Variants in SHISAL2A observed in about 807,000 individuals in gnomAD.
SHISAL2A encodes shisa like 2A.
A neutral mutation model predicts 11.5 loss-of-function variants in SHISAL2A; 18 were observed. That is an observed-to-expected ratio of 1.57 (90% CI 1.08 to 2.33). The LOEUF is 2.33. Ranked by LOEUF, SHISAL2A falls within the 30% of genes most tolerant of loss-of-function variation. The pLI, the probability that SHISAL2A is intolerant of heterozygous loss-of-function variation, is 0.00. For missense variants in SHISAL2A, 261 were observed against 250.9 expected, an observed-to-expected ratio of 1.04 and a Z score of -0.27; for synonymous variants, 94 against 99.6, an observed-to-expected ratio of 0.94 and a Z score of 0.34.
At chr1:52,649,663 C>A (rs1389540227) in intron 2 of SHISAL2A, among the ~76,000 whole-genome samples, 3 of 152,190 alleles carry the variant, frequency 2.0e-5, no homozygotes, top group Non-Finnish European at 2.9e-5. Flanking sequence ...TACTGTTGAG[C>A]TGGGCACTGT....
intron 1 of SHISAL2A, among the ~76,000 whole-genome samples, chr1:52,639,646 G>A (rs981593762): frequency 2.0e-5 from 3 of 151,830 alleles, no homozygotes; most frequent in Admixed American, 6.6e-5. Flanking sequence ...CCAGCTACTC[G>A]GGAGGCTGAG....
At chr1:52,635,240 A>G (rs946901075) in intron 1 of SHISAL2A, among the ~76,000 whole-genome samples, 1 of 152,240 alleles carries the variant, frequency 6.6e-6, no homozygotes, top group South Asian at 2.1e-4. Flanking sequence ...CTTGCTGCCC[A>G]AAAAAACCAA....
In SHISAL2A at chr1:52,651,786, T is replaced by C. The variant is rs374955723; in HGVS notation, c.323-5004T>C. 3.9e-5 allele frequency among the ~76,000 whole-genome samples: 6 copies of C among 152,300 alleles called. No individual in the cohort carries two copies. In the East Asian group the frequency reaches 9.6e-4, roughly 24 times the overall value. ...CTGCTGATCAGAGCTCTTTGATTAA[T>C]ACAGAATGGAAAAAATTAGTACTTA... is the stretch of plus-strand genomic sequence containing the variant. On this transcript the variant is annotated intron_variant, in intron 2 of 2. Coordinates refer to ENST00000517870, the MANE Select transcript of SHISAL2A (RefSeq NM_001042693.3).
intron 2 of SHISAL2A, 125 bp downstream of exon 2, chr1:52,643,127 C>T (rs936967696): frequency 1.6e-5 from 15 of 912,168 alleles, no homozygotes; most frequent in Non-Finnish European, 2.0e-5. Context: ...GCAGAAGCAG[C>T]GGCACATTTT....
At chr1:52,657,593 G>T (rs1462120700), downstream of SHISAL2A, among the ~76,000 whole-genome samples, 1 of 152,174 alleles carries the variant, frequency 6.6e-6, no homozygotes, top group South Asian at 2.1e-4. Context: ...GGCAGTTCAC[G>T]CCTGTAGTCC....
intron 2 of SHISAL2A, among the ~76,000 whole-genome samples, chr1:52,650,103 A>G (rs1691593810): frequency 6.6e-6 from 1 of 152,036 alleles, no homozygotes; most frequent in South Asian, 2.1e-4. Context: ...CCCACCTTCC[A>G]CAGAAGGCTC....
intron 2 of SHISAL2A, 49 bp from the exon 3 acceptor site, chr1:52,656,740 TC>T (rs1558093258): frequency 6.4e-7 from 1 of 1,555,534 alleles, no homozygotes. Context: ...GGGAGTGTGA[TC>T]CTGTTGGGGA....
intron 1 of SHISAL2A, among the ~76,000 whole-genome samples, chr1:52,640,627 C>A (rs564443253): frequency 3.1e-4 from 46 of 150,282 alleles, no homozygotes; most frequent in Admixed American, 6.6e-4. Context: ...AAAAAACAAA[C>A]AAAAAAAAAC....
At chr1:52,654,254 T>TAGATAGAC (rs1223182789) in intron 2 of SHISAL2A, among the ~76,000 whole-genome samples, 1 of 150,642 alleles carries the variant, frequency 6.6e-6, no homozygotes, top group Non-Finnish European at 1.5e-5. Context: ...GATAGATAGA[T>TAGATAGAC]AGATAGACAG....
rs758443434 is a variant in SHISAL2A at position 52,633,511 on chromosome 1, G to T, written c.18G>T (p.Thr6=). The part of the protein sequence containing the change: MSGAC[T]SYVSAEQEVV... ...GGGGCGCGATGAGCGGCGCCTGCAC[G>T]AGCTACGTGAGCGCAGAGCAGGAGG... Residue 6 remains threonine, a synonymous_variant, in exon 1 of 3, where the codon ACG becomes ACT. Transcript: ENST00000517870. The surrounding 1 kb of genome is among the most constrained non-coding windows in gnomAD (Gnocchi z 6.4). The T allele has an allele frequency of 1.9e-6, 3 of 1,544,492 alleles. No homozygotes were observed. The highest frequency in any genetic ancestry group is 1.4e-5 in the African/African-American group (1 of 69,630).
intron 1 of SHISAL2A, among the ~76,000 whole-genome samples, chr1:52,634,999 T>G (rs551705647): frequency 1.4e-4 from 21 of 152,240 alleles, no homozygotes; most frequent in African/African-American, 5.1e-4. Flanking sequence ...GATTTTCAGA[T>G]GGCCAGGTTA....
chr1:52,653,426 C>A (rs539716203), intron 2 of SHISAL2A, among the ~76,000 whole-genome samples: 40 of 151,686 alleles, frequency 2.6e-4, no homozygotes, highest in Non-Finnish European at 4.7e-4. Context: ...CACCACTGCA[C>A]TCTAGTCTGG....
At chr1:52,638,413 T>C (rs11807400) in intron 1 of SHISAL2A, among the ~76,000 whole-genome samples, 20,947 of 149,642 alleles carry the variant, frequency 0.14, 1,520 homozygotes, top group Non-Finnish European at 0.16. Context: ...AATGAGAAAA[T>C]AATGTTTAAT....
downstream of SHISAL2A, among the ~76,000 whole-genome samples, chr1:52,660,203 C>T (rs900428935): frequency 1.1e-4 from 17 of 152,090 alleles, no homozygotes; most frequent in African/African-American, 1.4e-4. Flanking sequence ...TGGGGGAGAC[C>T]GCACACTGAG....
At chr1:52,632,812 G>A (rs781059122), upstream of SHISAL2A, among the ~76,000 whole-genome samples, 1 of 152,166 alleles carries the variant, frequency 6.6e-6, no homozygotes, top group African/African-American at 2.4e-5. Flanking sequence ...GGCCGCCCCC[G>A]GTTAAAATCT....
At chr1:52,655,853 G>A (rs949521714) in intron 2 of SHISAL2A, among the ~76,000 whole-genome samples, 2 of 152,190 alleles carry the variant, frequency 1.3e-5, no homozygotes, top group African/African-American at 2.4e-5. Flanking sequence ...CATGGAGGAC[G>A]TGATGGAGGG....
In SHISAL2A at chr1:52,633,286, C is replaced by G; in HGVS notation, c.-208C>G. ...CCGCCGCCCGCCCCGCCTGCCCCTACCCCTCCGCGCGGGCCGGGCACCTGG... is the reference window on the plus strand; with the variant it reads ...CCGCCGCCCGCCCCGCCTGCCCCTAGCCCTCCGCGCGGGCCGGGCACCTGG... On this transcript the variant is annotated 5_prime_UTR_variant, in exon 1 of 3. Transcript: ENST00000517870. The surrounding 1 kb of genome is among the most constrained non-coding windows in gnomAD (Gnocchi z 6.4). The G allele has an allele frequency of 2.2e-6, 1 of 447,038 alleles. No homozygotes were observed. The allele number at this position is 447,038 out of a possible 1,614,324, so 27.7% of individuals were successfully genotyped here. A position where few individuals can be genotyped will look rare whatever the true frequency, so the allele number is the denominator to read the frequency against.
At chr1:52,646,518 C>CACACACACAT (rs1302676401) in intron 2 of SHISAL2A, among the ~76,000 whole-genome samples, 1 of 150,622 alleles carries the variant, frequency 6.6e-6, no homozygotes, top group African/African-American at 2.5e-5. Flanking sequence ...CACACACACA[C>CACACACACAT]ACACACACAC....
downstream of SHISAL2A, among the ~76,000 whole-genome samples, chr1:52,661,941 G>A (rs1307006172): frequency 3.3e-5 from 5 of 152,026 alleles, no homozygotes; most frequent in African/African-American, 1.2e-4. Context: ...GCTGAGGCAG[G>A]AGAATCGCTT....
Sources: gnomAD v4.1 joint callset for allele counts (sites outside exome capture counted in the v4.1 genomes callset) on GRCh38, gnomAD v4.1.1 for gene constraint, Gnocchi (gnomAD v3.1) non-coding constraint, MANE v1.5 for transcripts, NCBI Gene and HGNC (gene_info 2026-07-23, HGNC 2026-07-21) for gene names.